ARFGEF2: variants seen among roughly 807,000 people sequenced by gnomAD.
ARFGEF2 encodes the protein brefeldin A-inhibited guanine nucleotide-exchange protein 2.
A neutral mutation model predicts 219.9 loss-of-function variants in ARFGEF2; 74 were observed. That is an observed-to-expected ratio of 0.34 (90% CI 0.28 to 0.41). The LOEUF (loss-of-function observed/expected upper bound fraction) is 0.41, where lower values mean the gene tolerates loss of function less well. Ranked by LOEUF, ARFGEF2 falls within the 10% of genes least tolerant of loss-of-function variation. ARFGEF2 has a pLI of 1.00. For missense variants in ARFGEF2, 1,743 were observed against 2,218.3 expected, an observed-to-expected ratio of 0.79 and a Z score of 4.30; for synonymous variants, 733 against 799.2, an observed-to-expected ratio of 0.92 and a Z score of 1.40.
intron 20 of ARFGEF2, 152 bp downstream of exon 20, chr20:48,989,836 G>C: frequency 8.1e-7 from 1 of 1,238,626 alleles, no homozygotes; most frequent in Non-Finnish European, 1.1e-6. Flanking sequence ...GTAGCTTTGT[G>C]ATGACAGCTC....
At chr20:49,025,208 C>T in intron 35 of ARFGEF2, 105 bp from the exon 36 acceptor site, 1 of 1,164,076 alleles carries the variant, frequency 8.6e-7, no homozygotes, top group Non-Finnish European at 1.3e-6. Flanking sequence ...GTCTTATAGA[C>T]AGGGATGACT....
At chr20:48,956,116 C>G (rs2091104031) in intron 6 of ARFGEF2, among the ~76,000 whole-genome samples, 1 of 152,168 alleles carries the variant, frequency 6.6e-6, no homozygotes, top group Non-Finnish European at 1.5e-5. Context: ...AAGGCCTGAG[C>G]TCTAGTGCCT....
At chr20:48,957,876 A>G (rs1380679050) in intron 6 of ARFGEF2, among the ~76,000 whole-genome samples, 1 of 152,166 alleles carries the variant, frequency 6.6e-6, no homozygotes, top group African/African-American at 2.4e-5. Flanking sequence ...AAGTACTATT[A>G]TGGATCCTGC....
intron 1 of ARFGEF2, among the ~76,000 whole-genome samples, chr20:48,932,829 G>A (rs1466370873): frequency 6.6e-6 from 1 of 152,174 alleles, no homozygotes; most frequent in Non-Finnish European, 1.5e-5. Context: ...TTGGAGTGGA[G>A]GAGGATGTGG....
At chr20:48,979,367 T>A (rs749348644) in intron 14 of ARFGEF2, among the ~76,000 whole-genome samples, 41 of 152,200 alleles carry the variant, frequency 2.7e-4, no homozygotes, top group Non-Finnish European at 1.2e-4. Context: ...TGCTGCTGGA[T>A]TCGGTTTGCC....
Position 48,968,615 on chromosome 20 carries a change from G to A in ARFGEF2, c.1060-532G>A, listed in dbSNP as rs180804792. 2.9e-4 allele frequency among the ~76,000 whole-genome samples: 44 copies of A among 152,126 alleles called. No individual in the cohort carries two copies. The East Asian group carries it at 8.3e-3, about 29-fold the overall frequency. ...TACCTGAACTGATCTGCCCACCTTGGCCTCCCAAAGTGTTGGGATTACAGG... is the reference window on the plus strand; with the variant it reads ...TACCTGAACTGATCTGCCCACCTTGACCTCCCAAAGTGTTGGGATTACAGG... On this transcript the variant is annotated intron_variant, in intron 8 of 38. Transcript: ENST00000371917.
intron 37 of ARFGEF2, among the ~76,000 whole-genome samples, chr20:49,029,939 GCTCTGTCA>G (rs1414562874): frequency 1.4e-4 from 16 of 115,358 alleles, no homozygotes; most frequent in African/African-American, 5.6e-4. Context: ...ACAGAGTCTT[GCTCTGTCA>G]CTCAGGCTGG....
chr20:48,932,375 T>C (rs2090918522), intron 1 of ARFGEF2, among the ~76,000 whole-genome samples: 1 of 151,974 alleles, frequency 6.6e-6, no homozygotes, highest in South Asian at 2.1e-4. Flanking sequence ...GGTGGAGAAA[T>C]GTGCAGTAGC....
In ARFGEF2 at chr20:48,989,391, G is replaced by A. The variant is rs368844677; in HGVS notation, c.2640G>A (p.Pro880=). The change falls in exon 19 of 39, where the codon CCG becomes CCA. Residue 880 remains proline, a synonymous_variant. Coordinates refer to ENST00000371917, the MANE Select transcript of ARFGEF2 (RefSeq NM_006420.3). Reference sequence around the variant, plus strand: ...AGGCTGTGAGCCATGCCAAAGCCCCGTTTACCAGTGCCACTCACCTGGACC... The same window carrying A: ...AGGCTGTGAGCCATGCCAAAGCCCCATTTACCAGTGCCACTCACCTGGACC... ...LMEAVSHAKA[P]FTSATHLDHV... 209 of 1,614,068 alleles carry A rather than the reference G, an allele frequency of 1.3e-4. No homozygotes were observed. The highest frequency in any genetic ancestry group is 1.6e-4 in the Non-Finnish European group (185 of 1,180,026).
At chr20:48,945,058 G>A (rs796827371) in intron 3 of ARFGEF2, among the ~76,000 whole-genome samples, 14 of 152,206 alleles carry the variant, frequency 9.2e-5, no homozygotes, top group Non-Finnish European at 1.3e-4. Flanking sequence ...GTGTTCTCAC[G>A]TGTCATGGAG....
Position 48,936,669 on chromosome 20 carries a change from C to T in ARFGEF2, c.122-4530C>T, listed in dbSNP as rs560395607. On this transcript the variant is annotated intron_variant, in intron 1 of 38. Coordinates refer to ENST00000371917, the MANE Select transcript of ARFGEF2 (RefSeq NM_006420.3). ...CTTCCTGAGTAGCTGGGACTACAGG[C>T]GTGCACCACCACGCCCAGCTAATTT... 4.1e-4 allele frequency among the ~76,000 whole-genome samples: 62 copies of T among 152,226 alleles called. No homozygotes were observed. In the East Asian group the frequency reaches 6.8e-3, roughly 17 times the overall value.
intron 1 of ARFGEF2, among the ~76,000 whole-genome samples, chr20:48,935,761 T>C (rs1468933876): frequency 2.4e-4 from 30 of 124,032 alleles, no homozygotes; most frequent in South Asian, 8.9e-4. Flanking sequence ...GGCGGCTGGC[T>C]GGGCGGGGGG....
chr20:48,943,563 C>T (rs903045385), intron 3 of ARFGEF2, among the ~76,000 whole-genome samples: 2 of 152,210 alleles, frequency 1.3e-5, no homozygotes, highest in Admixed American at 1.3e-4. Flanking sequence ...CCCCAAAGAA[C>T]ATTTATTCTC....
chr20:48,943,040 A>G (rs2123322199), intron 3 of ARFGEF2, among the ~76,000 whole-genome samples: 1 of 152,330 alleles, frequency 6.6e-6, no homozygotes, highest in South Asian at 2.1e-4. Context: ...TGTTAGGAAC[A>G]CTGGAAAGCA....
chr20:48,943,876 T>C (rs1022599273), intron 3 of ARFGEF2, among the ~76,000 whole-genome samples: 1 of 152,216 alleles, frequency 6.6e-6, no homozygotes, highest in African/African-American at 2.4e-5. Context: ...TGTATTCTGA[T>C]TGCTGTGTAG....
intron 20 of ARFGEF2, 84 bp from the exon 21 acceptor site, chr20:48,990,956 A>G: frequency 6.9e-7 from 1 of 1,456,028 alleles, no homozygotes; most frequent in Non-Finnish European, 9.5e-7. Context: ...GTATCAGAGA[A>G]GCCCAGTGTG....
intron 3 of ARFGEF2, 144 bp downstream of exon 3, chr20:48,942,131 G>A: frequency 8.6e-7 from 1 of 1,161,156 alleles, no homozygotes; most frequent in Non-Finnish European, 1.2e-6. Flanking sequence ...ATTCTTTTTG[G>A]AGATCTCATG....
At chr20:48,924,292 G>A (rs1254203284) in intron 1 of ARFGEF2, among the ~76,000 whole-genome samples, 3 of 152,018 alleles carry the variant, frequency 2.0e-5, no homozygotes, top group African/African-American at 7.3e-5. Flanking sequence ...GGCAGATCAC[G>A]AGGTCAGGAG....
rs4810905 is a variant in ARFGEF2 at position 48,988,288 on chromosome 20, G to C, written c.2277-16G>C. 1 of 1,606,908 alleles carries C rather than the reference G, an allele frequency of 6.2e-7. No homozygotes were observed. Among genetic ancestry groups the C allele is most frequent in the Non-Finnish European group, 8.5e-7 (1 of 1,174,892 alleles). ...GCATCACCATGAATATTGATGTCTCGAATTTTTTTCTCCAGGCAAACTCTG... is the reference window on the plus strand; with the variant it reads ...GCATCACCATGAATATTGATGTCTCCAATTTTTTTCTCCAGGCAAACTCTG... On this transcript the variant is annotated splice_polypyrimidine_tract_variant and intron_variant, in intron 16 of 38. Transcript: ENST00000371917.
Sources: gnomAD v4.1 joint callset for allele counts (sites outside exome capture counted in the v4.1 genomes callset) on GRCh38, gnomAD v4.1.1 for gene constraint, MANE v1.5 for transcripts, NCBI Gene and HGNC (gene_info 2026-07-23, HGNC 2026-07-21) for gene names.